PCDH11X: variants seen among roughly 807,000 people sequenced by gnomAD.
PCDH11X encodes protocadherin-11 X-linked.
Under a neutral mutation model 53.3 loss-of-function variants are expected in PCDH11X, and 18 were observed. That is an observed-to-expected ratio of 0.34 (90% CI 0.23 to 0.50). The LOEUF (loss-of-function observed/expected upper bound fraction) is 0.50, where lower values mean the gene tolerates loss of function less well. PCDH11X is among the 20% of genes least tolerant of loss of function. The probability of loss-of-function intolerance (pLI) is 0.98; values close to 1 mark genes in which losing one functional copy is unlikely to be tolerated. For missense variants in PCDH11X, 570 were observed against 1,032.4 expected (o/e 0.55, Z 6.14); for synonymous variants, 279 against 393.3 (o/e 0.71, Z 3.44).
chrX:92,481,213 C>T (rs1490564354), intron 10 of PCDH11X, among the ~76,000 whole-genome samples: 1 of 109,790 alleles, frequency 9.1e-6, no homozygotes, highest in African/African-American at 3.3e-5. Flanking sequence ...AAGGCTCTGA[C>T]TGCAATGACA....
intron 6 of PCDH11X, among the ~76,000 whole-genome samples, chrX:92,147,851 C>CTTTCTTTCT (rs1410054680): frequency 3.1e-5 from 3 of 95,264 alleles, no homozygotes; most frequent in Non-Finnish European, 6.2e-5. Context: ...TTCTTTCTTT[C>CTTTCTTTCT]TTTTTTCTTT....
At position 92,463,548 on chromosome X, in the gene PCDH11X, G is replaced by C. The variant is rs181565807; in HGVS notation, c.3344-4751G>C. On this transcript the variant is annotated intron_variant, in intron 9 of 10. Coordinates refer to ENST00000682573, the MANE Select transcript of PCDH11X (RefSeq NM_032968.5). ...CTTATGTCTCTAACTTGTTGTGTTA[G>C]TCTTAGATCTAAGTCATTTTATTTC... is the stretch of plus-strand genomic sequence containing the variant. 2.0e-3 allele frequency among the ~76,000 whole-genome samples: 218 copies of C among 111,563 alleles called. No homozygotes were observed. In the Middle Eastern group the frequency reaches 0.023, roughly 12 times the overall value.
chrX:91,900,540 A>G (rs1008343161), intron 6 of PCDH11X, among the ~76,000 whole-genome samples: 11 of 109,083 alleles, frequency 1.0e-4, no homozygotes, highest in African/African-American at 3.7e-4. Flanking sequence ...CATCCCTGTA[A>G]GGCCATTCAC....
chrX:92,392,349 T>G (rs2071149124), intron 9 of PCDH11X, among the ~76,000 whole-genome samples: 1 of 108,838 alleles, frequency 9.2e-6, no homozygotes, highest in Non-Finnish European at 1.9e-5. Context: ...AGCAAATCTG[T>G]TTGACATTCA....
Position 92,555,732 on chromosome X carries a change from T to G in PCDH11X, c.3368-62532T>G, listed in dbSNP as rs756454101. Among the ~76,000 whole-genome samples, 6 of 111,244 alleles carry G rather than the reference T, an allele frequency of 5.4e-5. No homozygotes were observed. In the East Asian group the frequency reaches 1.7e-3, roughly 32 times the overall value. On this transcript the variant is annotated intron_variant, in intron 10 of 10. Transcript: ENST00000682573. ...TCCCTTCTATTCAATTTTAGAAAGG[T>G]TCTGTCCTTCTCTGATTAAAAGAAT...
intron 9 of PCDH11X, among the ~76,000 whole-genome samples, chrX:92,400,097 G>A (rs1425272035): frequency 9.4e-6 from 1 of 106,422 alleles, no homozygotes; most frequent in African/African-American, 3.4e-5. Flanking sequence ...CCATTTATAC[G>A]TCACCCATGT....
intron 6 of PCDH11X, among the ~76,000 whole-genome samples, chrX:92,114,893 G>A (rs35182635): frequency 3.6e-5 from 4 of 110,264 alleles, no homozygotes; most frequent in Non-Finnish European, 7.6e-5. Context: ...GTGCAATGGC[G>A]CGAACTCGGC....
chrX:92,444,535 C>T (rs1260760930), intron 9 of PCDH11X, among the ~76,000 whole-genome samples: 1 of 109,247 alleles, frequency 9.2e-6, no homozygotes, highest in Admixed American at 9.9e-5. Flanking sequence ...TTGTTTCTTT[C>T]CCTTTCCTGA....
chrX:92,080,950 A>G (rs1341048352), intron 6 of PCDH11X, among the ~76,000 whole-genome samples: 2 of 110,948 alleles, frequency 1.8e-5, no homozygotes, highest in African/African-American at 6.6e-5. Flanking sequence ...ATGTCCTTCC[A>G]GTATAGGGAA....
At chrX:92,253,988 G>A (rs1358385843) in intron 7 of PCDH11X, among the ~76,000 whole-genome samples, 4 of 111,895 alleles carry the variant, frequency 3.6e-5, no homozygotes, top group African/African-American at 9.8e-5. Flanking sequence ...TAACAGTGGT[G>A]AAAATTGGCA....
At chrX:91,921,516 C>A (rs1280086979) in intron 6 of PCDH11X, among the ~76,000 whole-genome samples, 2 of 107,393 alleles carry the variant, frequency 1.9e-5, no homozygotes, top group Non-Finnish European at 3.9e-5. Context: ...TCTACTGTCT[C>A]CATAGTTTTA....
chrX:91,919,874 C>T (rs2571762), intron 6 of PCDH11X, among the ~76,000 whole-genome samples: 1 of 111,346 alleles, frequency 9.0e-6, no homozygotes, highest in Non-Finnish European at 1.9e-5. Context: ...GTTGATTACC[C>T]ACTCCTTGTA....
At chrX:92,131,126 T>G (rs776069174) in intron 6 of PCDH11X, among the ~76,000 whole-genome samples, 1 of 111,549 alleles carries the variant, frequency 9.0e-6, no homozygotes, top group East Asian at 2.8e-4. Context: ...TGAATGTACA[T>G]TACTGAATTA....
intron 6 of PCDH11X, among the ~76,000 whole-genome samples, chrX:92,192,928 G>A (rs899798127): frequency 2.3e-4 from 26 of 111,238 alleles, no homozygotes; most frequent in African/African-American, 8.2e-4. Flanking sequence ...TAGTAAAGAC[G>A]AGGTTTCACC....
At chrX:92,237,226 A>C in intron 7 of PCDH11X, among the ~76,000 whole-genome samples, 1 of 111,155 alleles carries the variant, frequency 9.0e-6, no homozygotes, top group Admixed American at 9.6e-5. Flanking sequence ...TTAAATTTAT[A>C]ATCAGATTTA....
At chrX:92,465,651 T>C (rs1197923164) in intron 9 of PCDH11X, among the ~76,000 whole-genome samples, 1 of 111,687 alleles carries the variant, frequency 9.0e-6, no homozygotes, top group Non-Finnish European at 1.9e-5. Context: ...TAGCCAGATA[T>C]TTCTAGCTCA....
chrX:91,982,946 G>A (rs1305107672), intron 6 of PCDH11X: 35 of 1,109,083 alleles, frequency 3.2e-5, no homozygotes, highest in Middle Eastern at 6.8e-4. Flanking sequence ...ACTCTGTCCC[G>A]TCATTCACAT....
intron 6 of PCDH11X, among the ~76,000 whole-genome samples, chrX:92,053,848 C>T (rs1174641555): frequency 9.0e-5 from 10 of 111,644 alleles, no homozygotes; most frequent in Non-Finnish European, 1.7e-4. Flanking sequence ...GGATTGTAGG[C>T]GTGAGCCACT....
At chrX:91,899,059 A>G (rs1407333693) in intron 6 of PCDH11X, among the ~76,000 whole-genome samples, 1 of 111,607 alleles carries the variant, frequency 9.0e-6, no homozygotes, top group Non-Finnish European at 1.9e-5. Context: ...AACCAATAGT[A>G]TAGATGTATA....
Sources: gnomAD v4.1 joint callset for allele counts (sites outside exome capture counted in the v4.1 genomes callset) on GRCh38, gnomAD v4.1.1 for gene constraint, MANE v1.5 for transcripts, NCBI Gene and HGNC (gene_info 2026-07-23, HGNC 2026-07-21) for gene names.